The following ZNF664 variants were observed in gnomAD, a reference collection of about 807,000 sequenced individuals.
The protein encoded by ZNF664 is zinc finger protein 664.
A neutral mutation model predicts 18.2 loss-of-function variants in ZNF664; 10 were observed. The ratio of observed to expected loss-of-function variants is 0.55; its 90% CI spans 0.34 to 0.93. ZNF664 has a LOEUF of 0.93. ZNF664 is among the 40% of genes least tolerant of loss of function. The probability of loss-of-function intolerance (pLI) is 0.02; values close to 1 mark genes in which losing one functional copy is unlikely to be tolerated. For synonymous variants in ZNF664, 119 were observed against 104.2 expected, an observed-to-expected ratio of 1.14 and a Z score of -0.86; for missense variants, 193 against 319.0, an observed-to-expected ratio of 0.61 and a Z score of 3.01.
At chr12:123,974,315 C>T (rs897999467) in intron 2 of ZNF664, 2 of 326,558 alleles carry the variant, frequency 6.1e-6, no homozygotes, top group South Asian at 1.6e-4. Context: ...TACGGGCTGT[C>T]TTATTGCAAC....
chr12:123,990,121 G>A (rs1375087557), intron 3 of ZNF664, among the ~76,000 whole-genome samples: 1 of 152,180 alleles, frequency 6.6e-6, no homozygotes, highest in Admixed American at 6.5e-5. Flanking sequence ...TGGTTACTGG[G>A]GCTGGGGGAG....
At chr12:123,987,238 A>G (rs1956835937) in intron 2 of ZNF664, among the ~76,000 whole-genome samples, 1 of 152,210 alleles carries the variant, frequency 6.6e-6, no homozygotes. Flanking sequence ...TAAATGTCCC[A>G]TCCACATGTA....
At chr12:123,996,521 C>T (rs140816184) in intron 3 of ZNF664, among the ~76,000 whole-genome samples, 1 of 152,152 alleles carries the variant, frequency 6.6e-6, no homozygotes, top group South Asian at 2.1e-4. Flanking sequence ...GCTTCATGGC[C>T]TCAGGAAGGG....
intron 2 of ZNF664, among the ~76,000 whole-genome samples, chr12:123,979,595 A>G (rs1956736585): frequency 6.6e-6 from 1 of 152,236 alleles, no homozygotes; most frequent in South Asian, 2.1e-4. Flanking sequence ...CGTCATTTAT[A>G]ATGAAAAATT....
At chr12:124,002,874 G>A (rs769966399) in intron 3 of ZNF664, among the ~76,000 whole-genome samples, 1 of 152,048 alleles carries the variant, frequency 6.6e-6, no homozygotes, top group African/African-American at 2.4e-5. Flanking sequence ...TTACTTAGAG[G>A]GTATAGATTC....
intron 3 of ZNF664, among the ~76,000 whole-genome samples, chr12:124,003,234 C>A (rs747043067): frequency 2.0e-5 from 3 of 152,068 alleles, no homozygotes; most frequent in Non-Finnish European, 4.4e-5. Flanking sequence ...GGAGTACTTA[C>A]AGGATTCCAT....
At chr12:123,985,018 G>A (rs1956807232) in intron 2 of ZNF664, among the ~76,000 whole-genome samples, 1 of 152,046 alleles carries the variant, frequency 6.6e-6, no homozygotes, top group African/African-American at 2.4e-5. Context: ...GAGGCAGGAG[G>A]AACGGCCCCA....
intron 3 of ZNF664, among the ~76,000 whole-genome samples, chr12:123,991,129 T>C (rs1956883970): frequency 6.6e-6 from 1 of 152,212 alleles, no homozygotes; most frequent in African/African-American, 2.4e-5. Flanking sequence ...TCTTAGTGCA[T>C]GTGTATGTTA....
rs541871514 is a variant in ZNF664 at position 124,001,783 on chromosome 12, A to G, written c.-660-9598A>G. Among the ~76,000 whole-genome samples the G allele has an allele frequency of 3.3e-5, 5 of 152,350 alleles. No homozygotes were observed. The South Asian group carries it at 1.0e-3, about 32-fold the overall frequency. On this transcript the variant is annotated intron_variant, in intron 3 of 4. Coordinates refer to ENST00000337815, the MANE Select transcript of ZNF664 (RefSeq NM_152437.3). ...GACTGCAGCTTGCACTCGGAAAGGGACTGGCTATGATTCTGCACTGCTGAA... is the reference window on the plus strand; with the variant it reads ...GACTGCAGCTTGCACTCGGAAAGGGGCTGGCTATGATTCTGCACTGCTGAA...
Position 123,973,227 on chromosome 12 carries a change from G to C in ZNF664, c.-1017G>C. On this transcript the variant is annotated 5_prime_UTR_variant, in exon 1 of 5. Transcript: ENST00000337815. ...TGCGTGCGCACGCGCGCTGTCCCCCGGAGGCGTCTGGGTGTGCGGAGCGCG... is the reference window on the plus strand; with the variant it reads ...TGCGTGCGCACGCGCGCTGTCCCCCCGAGGCGTCTGGGTGTGCGGAGCGCG... 1 of 987,862 alleles carries C rather than the reference G, an allele frequency of 1.0e-6. No individual in the cohort carries two copies. The highest frequency in any genetic ancestry group is 1.2e-6 in the Non-Finnish European group (1 of 833,382). The allele number at this position is 987,862 out of a possible 1,614,324, so 61.2% of individuals were successfully genotyped here. A position where few individuals can be genotyped will look rare whatever the true frequency, so the allele number is the denominator to read the frequency against.
At chr12:124,009,647 T>C (rs1957111793) in intron 3 of ZNF664, among the ~76,000 whole-genome samples, 1 of 152,110 alleles carries the variant, frequency 6.6e-6, no homozygotes, top group South Asian at 2.1e-4. Context: ...TACGGGTGTG[T>C]GCCACCATGC....
intron 3 of ZNF664, chr12:124,004,931 T>G (rs1321748752): frequency 5.7e-6 from 1 of 175,504 alleles, no homozygotes; most frequent in East Asian, 1.7e-4. Context: ...TGATTCTACA[T>G]TATGGTAAGT....
intron 2 of ZNF664, among the ~76,000 whole-genome samples, chr12:123,978,292 A>G (rs1262669177): frequency 6.6e-6 from 1 of 152,244 alleles, no homozygotes; most frequent in Non-Finnish European, 1.5e-5. Context: ...ATCCACACAC[A>G]GGTGGTTATA....
At chr12:124,007,839 C>T (rs920635822) in intron 3 of ZNF664, among the ~76,000 whole-genome samples, 2 of 152,036 alleles carry the variant, frequency 1.3e-5, no homozygotes, top group Non-Finnish European at 2.9e-5. Flanking sequence ...TTTACTTTCC[C>T]TTTTTTTGTT....
At chr12:123,993,097 TG>T (rs1308510590) in intron 3 of ZNF664, among the ~76,000 whole-genome samples, 2 of 152,148 alleles carry the variant, frequency 1.3e-5, no homozygotes, top group Non-Finnish European at 2.9e-5. Flanking sequence ...CAGGCCTTAG[TG>T]GCCACTTAAG....
intron 2 of ZNF664, among the ~76,000 whole-genome samples, chr12:123,984,025 G>C (rs7978610): frequency 0.32 from 49,013 of 152,090 alleles, 8,075 homozygotes; most frequent in Middle Eastern, 0.37. Context: ...AGGTTTCTGA[G>C]CAGGTGTTTG....
At chr12:124,004,797 T>C (rs117197134) in intron 3 of ZNF664, 2,232 of 152,908 alleles carry the variant, frequency 0.015, 88 homozygotes, top group Admixed American at 0.068. Context: ...TTGTAAACTG[T>C]ACACGCAAGG....
intron 2 of ZNF664, among the ~76,000 whole-genome samples, chr12:123,981,523 A>G (rs1472726390): frequency 6.6e-6 from 1 of 152,128 alleles, no homozygotes; most frequent in South Asian, 2.1e-4. Context: ...CTCTTTGGAG[A>G]GTCCCCACCA....
At chr12:124,007,497 CGCCTGCAGCCACTGCCTTT>C (rs926083016) in intron 3 of ZNF664, among the ~76,000 whole-genome samples, 1 of 150,516 alleles carries the variant, frequency 6.6e-6, no homozygotes, top group African/African-American at 2.5e-5. Flanking sequence ...CCACTGCCTT[CGCCTGCAGCCACTGCCTTT>C]GCCTGCTGTC....
Sources: gnomAD v4.1 joint callset for allele counts (sites outside exome capture counted in the v4.1 genomes callset) on GRCh38, gnomAD v4.1.1 for gene constraint, MANE v1.5 for transcripts, NCBI Gene and HGNC (gene_info 2026-07-23, HGNC 2026-07-21) for gene names.